Variants in NCAM1 observed in about 807,000 individuals in gnomAD.
The protein encoded by NCAM1 is antigen recognized by monoclonal antibody 5.1H11.
In NCAM1, 14 loss-of-function variants were observed where a neutral mutation model predicts 109.8. The ratio of observed to expected loss-of-function variants is 0.13; its 90% CI spans 0.08 to 0.20. The LOEUF (loss-of-function observed/expected upper bound fraction) is 0.20. NCAM1 is among the 10% of genes least tolerant of loss of function. NCAM1 has a pLI of 1.00. For missense variants in NCAM1, 774 were observed against 1,109.9 expected, an observed-to-expected ratio of 0.70 and a Z score of 4.30; for synonymous variants, 418 against 442.9, an observed-to-expected ratio of 0.94 and a Z score of 0.70.
rs1395104209 is a variant in NCAM1 at position 113,233,367 on chromosome 11, C to T, written c.1693+50C>T. The T allele has an allele frequency of 1.3e-6, 2 of 1,555,930 alleles. No homozygotes were observed. Among genetic ancestry groups the T allele is most frequent in the Non-Finnish European group, 8.7e-7 (1 of 1,144,214 alleles). On this transcript the variant is annotated intron_variant, in intron 13 of 19. Coordinates refer to ENST00000316851, the MANE Select transcript of NCAM1 (RefSeq NM_181351.5). This position sits in a 1 kb window ranked among gnomAD's most constrained non-coding sequence, Gnocchi z 4.5. ...CATTGGGATCATGAGTGCCTCAGTA[C>T]TCAGATGTCCCCACCTGCCATCCTG...
At chr11:113,160,872 C>T (rs1555104253) in intron 1 of NCAM1, among the ~76,000 whole-genome samples, 1 of 152,174 alleles carries the variant, frequency 6.6e-6, no homozygotes, top group Admixed American at 6.5e-5. Flanking sequence ...AAGGTTAAGT[C>T]AGCCATAAAT....
intron 1 of NCAM1, among the ~76,000 whole-genome samples, chr11:113,166,391 C>T (rs900964727): frequency 1.3e-5 from 2 of 152,172 alleles, no homozygotes; most frequent in Non-Finnish European, 2.9e-5. Context: ...CCTGTCTCCA[C>T]GTCAGTGAGC....
chr11:112,993,641 T>C (rs1565370033), intron 1 of NCAM1, among the ~76,000 whole-genome samples: 1 of 152,244 alleles, frequency 6.6e-6, no homozygotes, highest in African/African-American at 2.4e-5. Flanking sequence ...TTTTATATTA[T>C]TGATGTCAAT....
chr11:113,131,044 C>G (rs1941363469), intron 1 of NCAM1, among the ~76,000 whole-genome samples: 2 of 152,174 alleles, frequency 1.3e-5, no homozygotes, highest in Admixed American at 6.5e-5. Flanking sequence ...AGTCACAGGA[C>G]AGACGGTTAG....
Position 113,231,236 on chromosome 11 carries a change from G to A in NCAM1, c.1090-409G>A, listed in dbSNP as rs117219783. On this transcript the variant is annotated intron_variant, in intron 9 of 19. Transcript: ENST00000316851. ...AACTGGCAAGTGGGCAGACAGAAAGGACAGGCTGGCAGTGCAGGTTTCCCA... is the reference window on the plus strand; with the variant it reads ...AACTGGCAAGTGGGCAGACAGAAAGAACAGGCTGGCAGTGCAGGTTTCCCA... 6.9e-3 allele frequency: 10,605 copies of A among 1,536,138 alleles called. 48 individuals carry two copies. Among genetic ancestry groups the A allele is most frequent in the Middle Eastern group, 0.015 (91 of 5,990 alleles).
chr11:113,052,326 G>A (rs1953532667), intron 1 of NCAM1, among the ~76,000 whole-genome samples: 1 of 152,152 alleles, frequency 6.6e-6, no homozygotes, highest in Non-Finnish European at 1.5e-5. Flanking sequence ...AATGGAGTTT[G>A]AAGAACCCTT....
At chr11:113,194,852 G>A (rs1489640352) in intron 1 of NCAM1, among the ~76,000 whole-genome samples, 6 of 152,228 alleles carry the variant, frequency 3.9e-5, no homozygotes, top group Non-Finnish European at 8.8e-5. Context: ...CAAGGGCTTC[G>A]TTATAAACTT....
chr11:113,032,454 G>C (rs528567337), intron 1 of NCAM1, among the ~76,000 whole-genome samples: 1 of 152,096 alleles, frequency 6.6e-6, no homozygotes, highest in Non-Finnish European at 1.5e-5. Flanking sequence ...CCTGCATCCC[G>C]TCGGCTGACT....
At chr11:112,969,599 A>G (rs139559262) in intron 1 of NCAM1, among the ~76,000 whole-genome samples, 73 of 152,126 alleles carry the variant, frequency 4.8e-4, no homozygotes, top group African/African-American at 8.7e-4. Flanking sequence ...GGGGTTAATG[A>G]CACTTCCCTT....
Position 113,259,050 on chromosome 11 carries a change from A to ATT in NCAM1, c.1954-1078_1954-1077dup, listed in dbSNP as rs558552786. On this transcript the variant is annotated intron_variant, in intron 16 of 19. Coordinates refer to ENST00000316851, the MANE Select transcript of NCAM1 (RefSeq NM_181351.5). ...TAAGGGCTCAACAAAAATAGTTTTC[A>ATT]TTTTTTTTTTTTTTTTTTTGAGACG... Among the ~76,000 whole-genome samples, 577 of 134,060 alleles carry ATT rather than the reference A, an allele frequency of 4.3e-3. 7 individuals are homozygous for ATT. The highest frequency in any genetic ancestry group is 0.013 in the East Asian group (62 of 4,760). The allele number at this position is 134,060 out of a possible 152,430, so 87.9% of individuals were successfully genotyped here. A position where few individuals can be genotyped will look rare whatever the true frequency, so the allele number is the denominator to read the frequency against.
At chr11:113,028,273 C>T (rs12288908) in intron 1 of NCAM1, among the ~76,000 whole-genome samples, 28,605 of 151,830 alleles carry the variant, frequency 0.19, 3,038 homozygotes, top group East Asian at 0.27. Flanking sequence ...ATACATGTAC[C>T]GGAACATCAC....
At chr11:113,016,535 C>T (rs138017265) in intron 1 of NCAM1, among the ~76,000 whole-genome samples, 4 of 152,172 alleles carry the variant, frequency 2.6e-5, no homozygotes, top group Non-Finnish European at 4.4e-5. Flanking sequence ...ACTTGTCATG[C>T]GGTGCAGAAC....
At chr11:113,013,444 A>AG (rs1257399316) in intron 1 of NCAM1, among the ~76,000 whole-genome samples, 2 of 151,616 alleles carry the variant, frequency 1.3e-5, no homozygotes, top group African/African-American at 4.8e-5. Context: ...AAAAAAAAAA[A>AG]AAGAAGCGAA....
At chr11:113,252,447 C>T (rs1276390529) in intron 15 of NCAM1, among the ~76,000 whole-genome samples, 3 of 151,092 alleles carry the variant, frequency 2.0e-5, no homozygotes, top group African/African-American at 7.3e-5. Context: ...ATTATGTATC[C>T]GTCCAAGAAC....
At chr11:112,961,778 C>G in intron 1 of NCAM1, 114 bp downstream of exon 1, 2 of 717,994 alleles carry the variant, frequency 2.8e-6, no homozygotes. Context: ...TAAGGCTGGT[C>G]ATTTTCGTTT....
At chr11:113,153,239 C>T (rs1315144554) in intron 1 of NCAM1, among the ~76,000 whole-genome samples, 1 of 152,142 alleles carries the variant, frequency 6.6e-6, no homozygotes, top group Non-Finnish European at 1.5e-5. Context: ...GATGAGTTTT[C>T]ACTATGTTGG....
intron 1 of NCAM1, among the ~76,000 whole-genome samples, chr11:113,116,327 C>T (rs1419555218): frequency 6.6e-6 from 1 of 152,106 alleles, no homozygotes; most frequent in African/African-American, 2.4e-5. Flanking sequence ...CTGTGTTATG[C>T]CTTCATTATA....
intron 1 of NCAM1, among the ~76,000 whole-genome samples, chr11:113,089,847 A>G (rs1040382413): frequency 3.3e-5 from 5 of 152,222 alleles, no homozygotes. Context: ...TGTTGTTTTG[A>G]TGAAACAAAC....
chr11:113,263,952 C>T (rs782393188), intron 17 of NCAM1: 9 of 985,324 alleles, frequency 9.1e-6, no homozygotes, highest in Non-Finnish European at 1.1e-5. Flanking sequence ...TGTATTGGTG[C>T]GTTGGTTCAG....
Sources: gnomAD v4.1 joint callset for allele counts (sites outside exome capture counted in the v4.1 genomes callset) on GRCh38, gnomAD v4.1.1 for gene constraint, Gnocchi (gnomAD v3.1) non-coding constraint, MANE v1.5 for transcripts, NCBI Gene and HGNC (gene_info 2026-07-23, HGNC 2026-07-21) for gene names.